The following GRIK2 variants were observed in gnomAD, a reference collection of about 807,000 sequenced individuals.
GRIK2 encodes glutamate receptor ionotropic, kainate 2.
GRIK2 carries 32 observed loss-of-function variants against 100.3 expected under a neutral mutation model. That is an observed-to-expected ratio of 0.32 (90% CI 0.24 to 0.43). GRIK2 has a LOEUF of 0.43. Ranked by LOEUF, GRIK2 falls within the 20% of genes least tolerant of loss-of-function variation. The probability of loss-of-function intolerance (pLI) is 1.00; values close to 1 mark genes in which losing one functional copy is unlikely to be tolerated. For synonymous variants in GRIK2, 417 were observed against 389.4 expected (o/e 1.07, Z -0.83); for missense variants, 843 against 1,114.9 (o/e 0.76, Z 3.47).
chr6:101,651,837 T>C (rs1474695008), intron 4 of GRIK2, among the ~76,000 whole-genome samples: 1 of 152,098 alleles, frequency 6.6e-6, no homozygotes, highest in Non-Finnish European at 1.5e-5. Context: ...GAACTATTCA[T>C]TTGAGAGTAG....
At chr6:101,587,215 T>G (rs553683356) in intron 2 of GRIK2, among the ~76,000 whole-genome samples, 1 of 152,116 alleles carries the variant, frequency 6.6e-6, no homozygotes, top group East Asian at 1.9e-4. Context: ...TATTAAAATT[T>G]AGAAATATAA....
chr6:101,964,774 G>T (rs1237182091), intron 14 of GRIK2, among the ~76,000 whole-genome samples: 1 of 152,116 alleles, frequency 6.6e-6, no homozygotes, highest in Non-Finnish European at 1.5e-5. Context: ...TAAGAAACAA[G>T]CTCAAAGACT....
chr6:101,889,137 CTATT>C (rs1786864287), intron 11 of GRIK2, among the ~76,000 whole-genome samples: 1 of 152,094 alleles, frequency 6.6e-6, no homozygotes, highest in Non-Finnish European at 1.5e-5. Context: ...AATATTTTAA[CTATT>C]TAAAGACTAA....
intron 14 of GRIK2, among the ~76,000 whole-genome samples, chr6:101,965,032 T>C (rs181525894): frequency 2.0e-4 from 30 of 152,252 alleles, no homozygotes; most frequent in African/African-American, 7.2e-4. Flanking sequence ...GAGATGCATC[T>C]AAGCTCTTAT....
intron 4 of GRIK2, among the ~76,000 whole-genome samples, chr6:101,669,391 C>A (rs1770261842): frequency 6.6e-6 from 1 of 152,078 alleles, no homozygotes; most frequent in Non-Finnish European, 1.5e-5. Flanking sequence ...CCATTGATTT[C>A]TTCATTTTGA....
At chr6:101,604,012 A>G (rs1779338006) in intron 2 of GRIK2, among the ~76,000 whole-genome samples, 3 of 151,702 alleles carry the variant, frequency 2.0e-5, no homozygotes, top group Admixed American at 2.0e-4. Context: ...AAAGTATAAT[A>G]ATTACTTTGA....
chr6:102,044,711 A>G (rs1051768397), intron 15 of GRIK2, among the ~76,000 whole-genome samples: 1 of 151,938 alleles, frequency 6.6e-6, no homozygotes, highest in Non-Finnish European at 1.5e-5. Flanking sequence ...GAGCCAAACC[A>G]TATCATTTCC....
At chr6:101,596,876 A>G (rs72961153) in intron 2 of GRIK2, among the ~76,000 whole-genome samples, 15,237 of 151,854 alleles carry the variant, frequency 0.1, 816 homozygotes, top group Admixed American at 0.15. Flanking sequence ...TGAATAACCA[A>G]TCGCATTACA....
intron 2 of GRIK2, among the ~76,000 whole-genome samples, chr6:101,594,511 A>T (rs1279780707): frequency 6.6e-6 from 1 of 151,890 alleles, no homozygotes. Context: ...GCAAGGAAAT[A>T]TATAGCATAT....
intron 7 of GRIK2, among the ~76,000 whole-genome samples, chr6:101,782,703 T>C (rs1779172565): frequency 1.3e-5 from 2 of 152,332 alleles, no homozygotes; most frequent in African/African-American, 4.8e-5. Context: ...ACTGATTTCC[T>C]TTCCTTTGGA....
At chr6:101,983,534 C>A (rs1793839993) in intron 14 of GRIK2, among the ~76,000 whole-genome samples, 1 of 151,686 alleles carries the variant, frequency 6.6e-6, no homozygotes, top group Non-Finnish European at 1.5e-5. Flanking sequence ...AATACATGTC[C>A]TCATGTTTTA....
intron 2 of GRIK2, among the ~76,000 whole-genome samples, chr6:101,576,651 T>G (rs1363382288): frequency 6.6e-6 from 1 of 152,074 alleles, no homozygotes; most frequent in Non-Finnish European, 1.5e-5. Flanking sequence ...TTTCAAATGC[T>G]AAGTTAAGCT....
At chr6:101,761,424 A>AG (rs898031621) in intron 7 of GRIK2, among the ~76,000 whole-genome samples, 1 of 152,154 alleles carries the variant, frequency 6.6e-6, no homozygotes, top group African/African-American at 2.4e-5. Context: ...CTGACTCATT[A>AG]GGAAATCAGT....
chr6:101,546,171 G>A (rs1339299614), intron 2 of GRIK2, among the ~76,000 whole-genome samples: 3 of 152,048 alleles, frequency 2.0e-5, no homozygotes, highest in African/African-American at 7.2e-5. Flanking sequence ...TGCTGAGCTG[G>A]AATAACAATA....
At chr6:101,711,712 T>C (rs891192991) in intron 7 of GRIK2, among the ~76,000 whole-genome samples, 1 of 151,836 alleles carries the variant, frequency 6.6e-6, no homozygotes, top group African/African-American at 2.4e-5. Flanking sequence ...AAGTGTGTTA[T>C]GACAGATAAA....
intron 2 of GRIK2, among the ~76,000 whole-genome samples, chr6:101,408,231 T>A (rs990507171): frequency 1.3e-5 from 2 of 152,114 alleles, no homozygotes; most frequent in South Asian, 4.1e-4. Flanking sequence ...TTCTTTCTCT[T>A]ACTGAAATGG....
chr6:102,050,679 AT>A (rs1771129664), intron 15 of GRIK2, among the ~76,000 whole-genome samples: 1 of 150,888 alleles, frequency 6.6e-6, no homozygotes, highest in African/African-American at 2.4e-5. Context: ...GGAATAAGAA[AT>A]AAAAAGAGAG....
At chr6:101,690,451 C>T (rs1772012039) in intron 7 of GRIK2, among the ~76,000 whole-genome samples, 1 of 152,108 alleles carries the variant, frequency 6.6e-6, no homozygotes, top group African/African-American at 2.4e-5. Context: ...TTCTTAACTA[C>T]ATTCATCTTT....
At chr6:101,825,152 CTCAG>C (rs1782235890) in intron 10 of GRIK2, among the ~76,000 whole-genome samples, 1 of 152,160 alleles carries the variant, frequency 6.6e-6, no homozygotes, top group South Asian at 2.1e-4. Context: ...TCTCAGCAAT[CTCAG>C]TCACATATTA....
Sources: gnomAD v4.1 joint callset for allele counts (sites outside exome capture counted in the v4.1 genomes callset) on GRCh38, gnomAD v4.1.1 for gene constraint, MANE v1.5 for transcripts, NCBI Gene and HGNC (gene_info 2026-07-23, HGNC 2026-07-21) for gene names.